The following UNC80 variants were observed in gnomAD, a reference collection of about 807,000 sequenced individuals.
The protein encoded by UNC80 is unc-80 subunit of NALCN channel complex.
Under a neutral mutation model 384.6 loss-of-function variants are expected in UNC80, and 164 were observed. The observed-to-expected ratio is 0.43, with a 90% CI of 0.38 to 0.49. The LOEUF (loss-of-function observed/expected upper bound fraction) is 0.49, where lower values mean the gene tolerates loss of function less well. Among genes scored for constraint, UNC80 ranks in the 20% least tolerant of loss-of-function variants. The pLI is 0.00. For synonymous variants in UNC80, 1,486 were observed against 1,527.8 expected, an observed-to-expected ratio of 0.97 and a Z score of 0.64; for missense variants, 3,330 against 4,143.0, an observed-to-expected ratio of 0.80 and a Z score of 5.39.
chr2:209,846,155 A>T (rs1330053895), intron 21 of UNC80, among the ~76,000 whole-genome samples: 1 of 152,170 alleles, frequency 6.6e-6, no homozygotes, highest in Non-Finnish European at 1.5e-5. Context: ...GAGAACAAAC[A>T]TCAAACCTTC....
At chr2:209,989,574 T>C (rs891372446) in intron 61 of UNC80, among the ~76,000 whole-genome samples, 2 of 152,192 alleles carry the variant, frequency 1.3e-5, no homozygotes. Flanking sequence ...ATAATTTTGA[T>C]TACTGCAGTT....
At chr2:209,932,388 C>T (rs577381511) in intron 38 of UNC80, among the ~76,000 whole-genome samples, 3 of 152,256 alleles carry the variant, frequency 2.0e-5, no homozygotes, top group African/African-American at 7.2e-5. Context: ...AATGTCAGGG[C>T]CTCCCTCAGT....
chr2:209,844,018 A>T (rs911248189), intron 21 of UNC80, among the ~76,000 whole-genome samples: 5 of 152,140 alleles, frequency 3.3e-5, no homozygotes, highest in African/African-American at 1.2e-4. Context: ...GAATTTGGCG[A>T]GGGCAAACAT....
chr2:209,872,219 CT>C lies in UNC80; in HGVS notation c.3628-532del, dbSNP rs34090233. On this transcript the variant is annotated intron_variant, in intron 22 of 64. Transcript: ENST00000673920. This position sits in a 1 kb window ranked among gnomAD's most constrained non-coding sequence, Gnocchi z 4.1. ...TGTTGGCCAGGCTGGTCTTGAACTTCTTTTTTTAATAGCCAAAATGTGCAGA... is the reference window on the plus strand; with the variant it reads ...TGTTGGCCAGGCTGGTCTTGAACTTCTTTTTTAATAGCCAAAATGTGCAGA... Among the ~76,000 whole-genome samples the C allele has an allele frequency of 1.3e-5, 2 of 151,982 alleles. No individual in the cohort carries two copies. The highest frequency in any genetic ancestry group is 2.9e-5 in the Non-Finnish European group (2 of 68,000).
chr2:209,783,926 ACTCTT>A (rs1038698201), intron 4 of UNC80, among the ~76,000 whole-genome samples: 3 of 151,888 alleles, frequency 2.0e-5, no homozygotes, highest in Admixed American at 6.6e-5. Flanking sequence ...AATTTGGGTT[ACTCTT>A]CTCTTAACTC....
chr2:209,905,801 C>A (rs962271052), intron 29 of UNC80, among the ~76,000 whole-genome samples: 12 of 152,140 alleles, frequency 7.9e-5, no homozygotes, highest in Non-Finnish European at 1.6e-4. Flanking sequence ...TTCAGCTGCC[C>A]TCTTCTGAAA....
Position 209,945,168 on chromosome 2 carries a change from G to A in UNC80, c.7168G>A (p.Glu2390Lys). ...AGACATCTTAGAGCTGGTCAAAGCT[G>A]AGAAGCCTCTCAAGTCATTAGGTAA... ...ILDILELVKA[E>K]KPLKSLDFCY... The change falls in exon 46 of 65, where the codon GAG (glutamate) becomes AAG (lysine). Residue 2390 changes from glutamate (E) to lysine (K), a missense_variant. Glu to Lys is a moderately conservative substitution (Grantham distance 56). Transcript: ENST00000673920. The A allele has an allele frequency of 6.4e-7, 1 of 1,550,780 alleles. No homozygotes were observed. Among genetic ancestry groups the A allele is most frequent in the Non-Finnish European group, 8.7e-7 (1 of 1,146,572 alleles).
intron 38 of UNC80, among the ~76,000 whole-genome samples, chr2:209,932,555 C>G (rs1351984914): frequency 2.6e-5 from 4 of 152,192 alleles, no homozygotes; most frequent in Admixed American, 2.6e-4. Flanking sequence ...CTTGCCCAGA[C>G]CATTGCTCTC....
intron 55 of UNC80, among the ~76,000 whole-genome samples, chr2:209,972,743 A>C (rs1372130498): frequency 6.6e-6 from 1 of 152,222 alleles, no homozygotes; most frequent in Non-Finnish European, 1.5e-5. Flanking sequence ...TTAGGGGTAG[A>C]GGGATTCTTT....
At chr2:209,964,045 G>A (rs1490420927) in intron 51 of UNC80, among the ~76,000 whole-genome samples, 1 of 152,148 alleles carries the variant, frequency 6.6e-6, no homozygotes, top group East Asian at 1.9e-4. Flanking sequence ...AGTGGCCTTG[G>A]CTGTGATTCC....
In UNC80 at chr2:209,872,713, T is replaced by C; in HGVS notation, c.3628-45T>C. On this transcript the variant is annotated intron_variant, in intron 22 of 64. Coordinates refer to ENST00000673920, the MANE Select transcript of UNC80 (RefSeq NM_001371986.1). The surrounding 1 kb of genome is among the most constrained non-coding windows in gnomAD (Gnocchi z 4.1). The stretch of plus-strand genomic sequence containing the variant: ...CCCTTTAAGACCAATTTAAAGTTAT[T>C]GTTCATTAATCCCACATTATTCTTT... The C allele has an allele frequency of 6.8e-7, 1 of 1,469,350 alleles. No homozygotes were observed. 91.0% of individuals were successfully genotyped at this position (1,469,350 alleles called of 1,614,324 possible).
intron 9 of UNC80, among the ~76,000 whole-genome samples, chr2:209,816,294 T>C (rs952509508): frequency 6.6e-6 from 1 of 152,226 alleles, no homozygotes; most frequent in African/African-American, 2.4e-5. Context: ...AAAGCTTCCC[T>C]AGCAGTTCTA....
chr2:209,905,370 G>A (rs10932313), intron 29 of UNC80, among the ~76,000 whole-genome samples: 39,637 of 152,070 alleles, frequency 0.26, 5,852 homozygotes, highest in East Asian at 0.39. Flanking sequence ...TGTGCTTGAT[G>A]TCATCATAAG....
At position 209,976,827 on chromosome 2, in the gene UNC80, C is replaced by T; in HGVS notation, c.8773-86C>T. 4 of 1,375,058 alleles carry T rather than the reference C, an allele frequency of 2.9e-6. No homozygotes were observed. The South Asian group carries it at 6.3e-5, about 22-fold the overall frequency. 85.2% of individuals were successfully genotyped at this position (1,375,058 alleles called of 1,614,324 possible). ...CATCACATGCATTACCTTATTTATTCCTCACAACAATGAAATAGGTACAGC... is the reference window on the plus strand; with the variant it reads ...CATCACATGCATTACCTTATTTATTTCTCACAACAATGAAATAGGTACAGC... On this transcript the variant is annotated intron_variant, in intron 57 of 64. Coordinates refer to ENST00000673920, the MANE Select transcript of UNC80 (RefSeq NM_001371986.1). The surrounding 1 kb of genome is among the most constrained non-coding windows in gnomAD (Gnocchi z 4.3).
intron 18 of UNC80, among the ~76,000 whole-genome samples, chr2:209,837,965 G>GT (rs1276508370): frequency 1.3e-5 from 2 of 151,972 alleles, no homozygotes; most frequent in Non-Finnish European, 2.9e-5. Context: ...TAGAGACGGG[G>GT]TTTCGCCGTG....
intron 4 of UNC80, among the ~76,000 whole-genome samples, chr2:209,782,228 A>G (rs1203814514): frequency 2.6e-5 from 4 of 152,236 alleles, no homozygotes; most frequent in Non-Finnish European, 5.9e-5. Flanking sequence ...TACAGAGAGT[A>G]CAACTCCAGC....
At position 209,998,252 on chromosome 2, in the gene UNC80, A is replaced by G. The variant is rs2093511542; in HGVS notation, c.*2657A>G. 6.6e-6 allele frequency: 1 copy of G among 152,258 alleles called. No individual in the cohort carries two copies. Among genetic ancestry groups the G allele is most frequent in the Admixed American group, 6.5e-5 (1 of 15,290 alleles). The allele number at this position is 152,258 out of a possible 1,614,324, so 9.4% of individuals were successfully genotyped here. ...TGATAGTATGACTCAGATCCAATTA[A>G]AACAGTTTAAATTCTGGATATAGGA... On this transcript the variant is annotated 3_prime_UTR_variant, in exon 65 of 65. Transcript: ENST00000673920.
chr2:209,844,348 A>G (rs1359323138), intron 21 of UNC80, among the ~76,000 whole-genome samples: 2 of 151,978 alleles, frequency 1.3e-5, no homozygotes, highest in Non-Finnish European at 2.9e-5. Flanking sequence ...ACATTTGGTG[A>G]ATATTTCTTC....
chr2:209,960,070 T>C (rs2092542931), intron 51 of UNC80, among the ~76,000 whole-genome samples: 1 of 152,232 alleles, frequency 6.6e-6, no homozygotes, highest in African/African-American at 2.4e-5. Flanking sequence ...GAATTGAATG[T>C]TTCTTCTCTG....
Sources: gnomAD v4.1 joint callset for allele counts (sites outside exome capture counted in the v4.1 genomes callset) on GRCh38, gnomAD v4.1.1 for gene constraint, Gnocchi (gnomAD v3.1) non-coding constraint, MANE v1.5 for transcripts, NCBI Gene and HGNC (gene_info 2026-07-23, HGNC 2026-07-21) for gene names.